Variants in MAGI2 observed in about 807,000 individuals in gnomAD.
The protein encoded by MAGI2 is membrane associated guanylate kinase, WW and PDZ domain containing 2.
MAGI2 carries 35 observed loss-of-function variants against 133.3 expected under a neutral mutation model. The ratio of observed to expected loss-of-function variants is 0.26; its 90% CI spans 0.20 to 0.35. The LOEUF is 0.35. MAGI2 is among the 10% of genes least tolerant of loss of function. The pLI is 1.00. For missense variants in MAGI2, 1,636 were observed against 1,863.4 expected (o/e 0.88, Z 2.25); for synonymous variants, 729 against 710.6 (o/e 1.03, Z -0.41).
chr7:79,202,055 T>C (rs1204343750), intron 1 of MAGI2, among the ~76,000 whole-genome samples: 1 of 152,032 alleles, frequency 6.6e-6, no homozygotes, highest in Non-Finnish European at 1.5e-5. Context: ...ATAGAAAATA[T>C]ATTTTAGACC....
intron 10 of MAGI2, among the ~76,000 whole-genome samples, chr7:78,203,280 G>C (rs1209775955): frequency 6.6e-6 from 1 of 152,162 alleles, no homozygotes; most frequent in East Asian, 1.9e-4. Context: ...CAGAGGTATT[G>C]AAAATAGTTC....
chr7:78,970,631 A>C (rs186014335), intron 2 of MAGI2, among the ~76,000 whole-genome samples: 8 of 152,202 alleles, frequency 5.3e-5, no homozygotes, highest in Non-Finnish European at 1.2e-4. Context: ...GACTAAAGAA[A>C]TAGTTCATAA....
intron 9 of MAGI2, among the ~76,000 whole-genome samples, chr7:78,263,060 A>G (rs1562707044): frequency 2.0e-5 from 3 of 152,272 alleles, no homozygotes; most frequent in South Asian, 4.1e-4. Flanking sequence ...GCTCCCACTT[A>G]TAAGTGAGAA....
At chr7:79,171,770 A>ATATATATATATATATTTTTTTTTTTTT in intron 1 of MAGI2, among the ~76,000 whole-genome samples, 1 of 31,202 alleles carries the variant, frequency 3.2e-5, no homozygotes, top group African/African-American at 6.5e-5. Flanking sequence ...ATATATATAT[A>ATATATATATATATATTTTTTTTTTTTT]TTTTTTTTTT....
At chr7:78,777,821 T>C (rs1826102903) in intron 2 of MAGI2, among the ~76,000 whole-genome samples, 1 of 152,182 alleles carries the variant, frequency 6.6e-6, no homozygotes, top group African/African-American at 2.4e-5. Context: ...AAATGCTTTC[T>C]CCTTAATTAG....
chr7:78,734,838 G>A (rs13229506), intron 2 of MAGI2, among the ~76,000 whole-genome samples: 6,189 of 152,190 alleles, frequency 0.041, 191 homozygotes, highest in Non-Finnish European at 0.061. Context: ...GTCAGTGAGT[G>A]ATCCCAGGAG....
In MAGI2 at chr7:78,929,560, G is replaced by C. The variant is rs576149520; in HGVS notation, c.418+77530C>G. ...TTGCCTTTGCCTTTTCCAGCTTCTA[G>C]TGGCTGCCTGTATTTGCTGATCTGT... On this transcript the variant is annotated intron_variant, in intron 2 of 21. Transcript: ENST00000354212. Among the ~76,000 whole-genome samples the C allele has an allele frequency of 4.8e-4, 73 of 152,088 alleles. 1 individual carries two copies. The highest frequency in any genetic ancestry group is 1.7e-3 in the African/African-American group (71 of 41,526).
intron 1 of MAGI2, among the ~76,000 whole-genome samples, chr7:79,407,531 G>A (rs1277685397): frequency 6.6e-6 from 1 of 152,002 alleles, no homozygotes; most frequent in Non-Finnish European, 1.5e-5. Context: ...GTGCACTGTT[G>A]TGAATGTAGG....
At chr7:79,106,897 A>G (rs1378065293) in intron 1 of MAGI2, among the ~76,000 whole-genome samples, 1 of 152,132 alleles carries the variant, frequency 6.6e-6, no homozygotes, top group Non-Finnish European at 1.5e-5. Flanking sequence ...TATATCTTCT[A>G]TCATGTCTGA....
intron 6 of MAGI2, among the ~76,000 whole-genome samples, chr7:78,372,547 CA>C (rs1794026389): frequency 1.3e-5 from 2 of 152,080 alleles, no homozygotes; most frequent in Non-Finnish European, 2.9e-5. Flanking sequence ...GAATAACATA[CA>C]TGATGCAACA....
chr7:79,285,357 G>A (rs1563077691), intron 1 of MAGI2, among the ~76,000 whole-genome samples: 1 of 151,998 alleles, frequency 6.6e-6, no homozygotes, highest in Non-Finnish European at 1.5e-5. Flanking sequence ...GTTCAAGAGA[G>A]AGCTCATACT....
intron 4 of MAGI2, among the ~76,000 whole-genome samples, chr7:78,506,546 A>G (rs888242671): frequency 2.6e-5 from 4 of 152,222 alleles, no homozygotes; most frequent in African/African-American, 9.6e-5. Flanking sequence ...GACTGGTAAA[A>G]GAGAAGAGGA....
intron 1 of MAGI2, among the ~76,000 whole-genome samples, chr7:79,335,647 T>C (rs1288984914): frequency 6.6e-6 from 1 of 152,112 alleles, no homozygotes; most frequent in African/African-American, 2.4e-5. Context: ...TTTTCTGAAG[T>C]ACACAGCAAC....
At chr7:78,573,275 T>TATAAATATATATAA in intron 3 of MAGI2, among the ~76,000 whole-genome samples, 1 of 57,380 alleles carries the variant, frequency 1.7e-5, no homozygotes, top group South Asian at 5.3e-4. Flanking sequence ...TATATATAAA[T>TATAAATATATATAA]ATATATATTT....
chr7:79,131,727 G>T (rs1323887301), intron 1 of MAGI2, among the ~76,000 whole-genome samples: 1 of 152,104 alleles, frequency 6.6e-6, no homozygotes, highest in East Asian at 1.9e-4. Context: ...TAGTATTGTA[G>T]CATGTCTTTC....
intron 6 of MAGI2, among the ~76,000 whole-genome samples, chr7:78,421,026 C>A (rs1798743672): frequency 6.6e-6 from 1 of 152,088 alleles, no homozygotes; most frequent in Admixed American, 6.5e-5. Flanking sequence ...TCACTAGGAC[C>A]AGATGGCATT....
chr7:79,405,449 T>C (rs915077752), intron 1 of MAGI2, among the ~76,000 whole-genome samples: 1 of 152,140 alleles, frequency 6.6e-6, no homozygotes, highest in Non-Finnish European at 1.5e-5. Context: ...CCAAATTCCA[T>C]AGTGTATAAT....
At chr7:78,424,807 T>A (rs1052285853) in intron 6 of MAGI2, among the ~76,000 whole-genome samples, 1 of 152,146 alleles carries the variant, frequency 6.6e-6, no homozygotes, top group African/African-American at 2.4e-5. Context: ...ATTTCTCCCA[T>A]TTGGAATGGC....
At chr7:78,020,413 T>C (rs1297329755) in intron 21 of MAGI2, among the ~76,000 whole-genome samples, 1 of 150,204 alleles carries the variant, frequency 6.7e-6, no homozygotes, top group Non-Finnish European at 1.5e-5. Context: ...GGCCCGGAGG[T>C]TTCAGCAGCA....
Sources: allele counts gnomAD v4.1 joint callset (sites outside exome capture counted in the v4.1 genomes callset), GRCh38; gene constraint gnomAD v4.1.1; transcripts MANE v1.5; gene names NCBI Gene and HGNC (gene_info 2026-07-23, HGNC 2026-07-21).